B3GALT1: variants seen among roughly 807,000 people sequenced by gnomAD.
B3GALT1 encodes the protein beta-1,3-galactosyltransferase 1.
Under a neutral mutation model 23.2 loss-of-function variants are expected in B3GALT1, and 10 were observed. The ratio of observed to expected loss-of-function variants is 0.43; its 90% confidence interval spans 0.27 to 0.73. B3GALT1 has a LOEUF of 0.73. B3GALT1 is among the 30% of genes least tolerant of loss of function. B3GALT1 has a pLI of 0.21. For synonymous variants in B3GALT1, 156 were observed against 141.5 expected, an observed-to-expected ratio of 1.10 and a Z score of -0.73; for missense variants, 299 against 405.4, an observed-to-expected ratio of 0.74 and a Z score of 2.25.
chr2:167,419,672 CCTGAATTAGTGTCTTAATGCACGAAGA>C (rs1161360215), intron 1 of B3GALT1, among the ~76,000 whole-genome samples: 10 of 152,212 alleles, frequency 6.6e-5, no homozygotes, highest in Middle Eastern at 3.4e-3. Flanking sequence ...TTACATCATC[CCTGAATTAGTGTCTTAATGCACGAAGA>C]ATCATCTGAT....
chr2:167,662,406 C>A (rs113478000), intron 3 of B3GALT1, among the ~76,000 whole-genome samples: 3,916 of 152,080 alleles, frequency 0.026, 64 homozygotes, highest in Non-Finnish European at 0.043. Context: ...GCCCTCTGTC[C>A]CCACACTTGC....
intron 2 of B3GALT1, among the ~76,000 whole-genome samples, chr2:167,604,033 T>C (rs1684920333): frequency 7.9e-5 from 12 of 152,092 alleles, no homozygotes; most frequent in Admixed American, 7.9e-4. Context: ...AAAGAAATAA[T>C]TAAAATAATT....
At chr2:167,541,549 G>A (rs533939496) in intron 2 of B3GALT1, among the ~76,000 whole-genome samples, 1 of 152,164 alleles carries the variant, frequency 6.6e-6, no homozygotes, top group South Asian at 2.1e-4. Flanking sequence ...CAATATTTCA[G>A]TTGTGATTTT....
At chr2:167,599,149 T>G (rs1243274179) in intron 2 of B3GALT1, among the ~76,000 whole-genome samples, 1 of 152,214 alleles carries the variant, frequency 6.6e-6, no homozygotes, top group African/African-American at 2.4e-5. Flanking sequence ...TACAGTAAGC[T>G]GCTTTTCTCT....
chr2:167,602,658 G>C (rs1405158371), intron 2 of B3GALT1, among the ~76,000 whole-genome samples: 1 of 152,034 alleles, frequency 6.6e-6, no homozygotes, highest in East Asian at 1.9e-4. Context: ...ATAATTTCTA[G>C]GAACAGTGGA....
intron 1 of B3GALT1, among the ~76,000 whole-genome samples, chr2:167,487,201 C>T (rs1398416811): frequency 6.6e-6 from 1 of 152,198 alleles, no homozygotes. Context: ...TCAAGTCCCA[C>T]TTACTTTGTT....
intron 3 of B3GALT1, among the ~76,000 whole-genome samples, chr2:167,647,724 T>C (rs907925435): frequency 1.3e-5 from 2 of 152,174 alleles, no homozygotes; most frequent in Non-Finnish European, 2.9e-5. Flanking sequence ...TCTAGTTCTT[T>C]TTCCCAGTCA....
chr2:167,593,942 C>A (rs1372804449), intron 2 of B3GALT1, among the ~76,000 whole-genome samples: 1 of 152,178 alleles, frequency 6.6e-6, no homozygotes, highest in Non-Finnish European at 1.5e-5. Context: ...GGATAAACCA[C>A]CCAAAAGTGA....
At chr2:167,521,404 C>G (rs1238182058) in intron 2 of B3GALT1, among the ~76,000 whole-genome samples, 8 of 152,036 alleles carry the variant, frequency 5.3e-5, no homozygotes, top group Non-Finnish European at 1.2e-4. Context: ...TGATTATTTT[C>G]TATCAGTTTT....
chr2:167,393,709 C>T (rs924108391), intron 1 of B3GALT1, among the ~76,000 whole-genome samples: 1 of 151,994 alleles, frequency 6.6e-6, no homozygotes, highest in Non-Finnish European at 1.5e-5. Flanking sequence ...AATCTTTTGA[C>T]ATAGTATGGT....
intron 3 of B3GALT1, among the ~76,000 whole-genome samples, chr2:167,818,052 T>C (rs1040080746): frequency 6.6e-6 from 1 of 152,192 alleles, no homozygotes; most frequent in Non-Finnish European, 1.5e-5. Context: ...ACCTTTTTTA[T>C]CACTTGGAAA....
At chr2:167,714,291 C>T in intron 3 of B3GALT1, 1 of 1,501,260 alleles carries the variant, frequency 6.7e-7, no homozygotes, top group South Asian at 1.1e-5. Context: ...GAGAGGGACC[C>T]AGTGTCAGAA....
chr2:167,622,028 C>G (rs888338919), intron 2 of B3GALT1, among the ~76,000 whole-genome samples: 2 of 152,072 alleles, frequency 1.3e-5, no homozygotes, highest in African/African-American at 4.8e-5. Flanking sequence ...GTATATACAT[C>G]AGCAGAGACA....
chr2:167,653,905 T>C (rs1403583373), intron 3 of B3GALT1, among the ~76,000 whole-genome samples: 1 of 152,184 alleles, frequency 6.6e-6, no homozygotes, highest in Non-Finnish European at 1.5e-5. Flanking sequence ...TTCAGTCTTA[T>C]GAGTTATTTT....
intron 1 of B3GALT1, among the ~76,000 whole-genome samples, chr2:167,456,302 CTT>C (rs1377214586): frequency 1.3e-5 from 2 of 152,150 alleles, no homozygotes; most frequent in South Asian, 2.1e-4. Flanking sequence ...AAAGAACTCA[CTT>C]ATCACTAAGG....
chr2:167,541,344 T>C (rs1558898363), intron 2 of B3GALT1, among the ~76,000 whole-genome samples: 1 of 152,192 alleles, frequency 6.6e-6, no homozygotes. Flanking sequence ...TATTTTACAA[T>C]GTACATATAA....
chr2:167,429,280 C>CAAAAA (rs59299487), intron 1 of B3GALT1, among the ~76,000 whole-genome samples: 2 of 88,862 alleles, frequency 2.3e-5, no homozygotes, highest in African/African-American at 3.9e-5. Context: ...GACTCTGTCT[C>CAAAAA]AAAAAAAAAA....
intron 1 of B3GALT1, among the ~76,000 whole-genome samples, chr2:167,392,978 T>C (rs914451814): frequency 3.3e-5 from 5 of 152,144 alleles, no homozygotes; most frequent in Admixed American, 6.5e-5. Context: ...CTCACACCTG[T>C]AATCCCAGCA....
intron 3 of B3GALT1, among the ~76,000 whole-genome samples, chr2:167,698,130 G>C (rs1261165032): frequency 6.6e-6 from 1 of 152,068 alleles, no homozygotes; most frequent in African/African-American, 2.4e-5. Flanking sequence ...GTTCTGTAGG[G>C]AGTTAACATC....
Sources: gnomAD v4.1 joint callset for allele counts (sites outside exome capture counted in the v4.1 genomes callset) on GRCh38, gnomAD v4.1.1 for gene constraint, MANE v1.5 for transcripts, NCBI Gene and HGNC (gene_info 2026-07-23, HGNC 2026-07-21) for gene names.